Variants in LARP1 observed in about 807,000 individuals in gnomAD.
The protein encoded by LARP1 is la-related protein 1.
LARP1 carries 36 observed loss-of-function variants against 122.7 expected under a neutral mutation model. The observed-to-expected ratio is 0.29, with a 90% CI of 0.22 to 0.39. The LOEUF (loss-of-function observed/expected upper bound fraction) is 0.39, where lower values mean the gene tolerates loss of function less well. Among genes scored for constraint, LARP1 ranks in the 10% least tolerant of loss-of-function variants. The pLI, the probability that LARP1 is intolerant of heterozygous loss-of-function variation, is 1.00. For missense variants in LARP1, 1,040 were observed against 1,403.6 expected (o/e 0.74, Z 4.14); for synonymous variants, 539 against 528.7 (o/e 1.02, Z -0.27).
At chr5:154,722,113 C>A (rs982601047) in intron 1 of LARP1, among the ~76,000 whole-genome samples, 15 of 152,202 alleles carry the variant, frequency 9.9e-5, no homozygotes, top group African/African-American at 3.6e-4. Context: ...CTGACCACGT[C>A]TTTCTTCTAC....
At chr5:154,808,402 C>T (rs370606641) in intron 15 of LARP1, 57 bp from the exon 16 acceptor site, 4 of 1,576,718 alleles carry the variant, frequency 2.5e-6, no homozygotes, top group African/African-American at 2.7e-5. Context: ...TCCTTTCTCC[C>T]TGAAGCAAGG....
intron 1 of LARP1, among the ~76,000 whole-genome samples, chr5:154,761,631 C>T (rs1754456272): frequency 6.6e-6 from 1 of 152,176 alleles, no homozygotes; most frequent in African/African-American, 2.4e-5. Context: ...GACTCAAAAA[C>T]CTCCCTGGCT....
At chr5:154,684,305 C>T (rs1425439536) in intron 1 of LARP1, among the ~76,000 whole-genome samples, 1 of 151,960 alleles carries the variant, frequency 6.6e-6, no homozygotes, top group African/African-American at 2.4e-5. Context: ...ATTAGTTGGG[C>T]GTGGTGGCCT....
intron 1 of LARP1, among the ~76,000 whole-genome samples, chr5:154,726,190 A>G (rs1237261692): frequency 6.6e-6 from 1 of 152,188 alleles, no homozygotes; most frequent in Non-Finnish European, 1.5e-5. Flanking sequence ...CCCTAGGAGT[A>G]GAGGTGAATT....
At chr5:154,787,909 T>G (rs1757016255) in intron 1 of LARP1, among the ~76,000 whole-genome samples, 1 of 152,212 alleles carries the variant, frequency 6.6e-6, no homozygotes, top group Admixed American at 6.5e-5. Context: ...CTTTCAATAC[T>G]TTACCATCTC....
intron 1 of LARP1, among the ~76,000 whole-genome samples, chr5:154,700,912 T>G (rs1177282250): frequency 2.0e-5 from 3 of 151,596 alleles, no homozygotes; most frequent in Non-Finnish European, 4.4e-5. Flanking sequence ...GGAGCCGAAA[T>G]CACGCCACTG....
At chr5:154,736,584 T>TTTA in intron 1 of LARP1, among the ~76,000 whole-genome samples, 1 of 103,156 alleles carries the variant, frequency 9.7e-6, no homozygotes. Flanking sequence ...TTATTTATTT[T>TTTA]AGACAGAGTC....
At chr5:154,787,070 G>T (rs188087380) in intron 1 of LARP1, among the ~76,000 whole-genome samples, 8 of 152,098 alleles carry the variant, frequency 5.3e-5, no homozygotes, top group Non-Finnish European at 8.8e-5. Context: ...GTAGAGATGG[G>T]GTTTCTCCAT....
Position 154,814,213 on chromosome 5 carries a change from C to A in LARP1, c.*117C>A. 9.3e-7 allele frequency: 1 copy of A among 1,069,544 alleles called. No homozygotes were observed. The highest frequency in any genetic ancestry group is 1.4e-6 in the Non-Finnish European group (1 of 726,754). 66.3% of individuals were successfully genotyped at this position (1,069,544 alleles called of 1,614,324 possible). On this transcript the variant is annotated 3_prime_UTR_variant, in exon 19 of 19. Coordinates refer to ENST00000518297, the MANE Select transcript of LARP1 (RefSeq NM_033551.3). Reference sequence around the variant, plus strand: ...AGGGACAGGCCTGGAGTTACTAGGACAGGCCTTTGTGCTGAGTAGCAATGT... The same window carrying A: ...AGGGACAGGCCTGGAGTTACTAGGAAAGGCCTTTGTGCTGAGTAGCAATGT...
intron 1 of LARP1, among the ~76,000 whole-genome samples, chr5:154,766,063 A>G (rs1006614296): frequency 6.6e-6 from 1 of 152,202 alleles, no homozygotes; most frequent in African/African-American, 2.4e-5. Flanking sequence ...GATGAGTAGC[A>G]GTCACCTGAG....
intron 1 of LARP1, among the ~76,000 whole-genome samples, chr5:154,697,209 T>TA (rs1754507298): frequency 1.3e-5 from 2 of 151,248 alleles, no homozygotes; most frequent in Non-Finnish European, 3.0e-5. Flanking sequence ...TATCTTTTTT[T>TA]TTTTTTTTCT....
At chr5:154,754,639 T>G (rs1193304504), upstream of LARP1, among the ~76,000 whole-genome samples, 1 of 152,262 alleles carries the variant, frequency 6.6e-6, no homozygotes, top group Non-Finnish European at 1.5e-5. Flanking sequence ...TCCCACTTCC[T>G]AGGCGCCGGC....
At chr5:154,704,709 C>T (rs77043035) in intron 1 of LARP1, among the ~76,000 whole-genome samples, 1,632 of 150,416 alleles carry the variant, frequency 0.011, 33 homozygotes, top group South Asian at 0.08. Context: ...AATAGACAAC[C>T]TACAGAACAG....
chr5:154,795,151 T>TA, intron 7 of LARP1, 24 bp from the exon 8 acceptor site: 1 of 1,611,744 alleles, frequency 6.2e-7, no homozygotes, highest in Non-Finnish European at 8.5e-7. Flanking sequence ...CCCTCGGTGA[T>TA]AACTACTTCT....
At chr5:154,692,482 C>T (rs562198027) in intron 1 of LARP1, among the ~76,000 whole-genome samples, 1 of 152,178 alleles carries the variant, frequency 6.6e-6, no homozygotes, top group South Asian at 2.1e-4. Flanking sequence ...CCACCTCCTA[C>T]TTCCTCAAGC....
chr5:154,686,732 G>C (rs1368852710), intron 1 of LARP1, among the ~76,000 whole-genome samples: 2 of 152,166 alleles, frequency 1.3e-5, no homozygotes, highest in South Asian at 4.1e-4. Flanking sequence ...CCGACAGACT[G>C]TTTGATTGGC....
In LARP1 at chr5:154,802,145, CG is replaced by C; in HGVS notation, c.1857del (p.Lys620ArgfsTer52). 6.2e-7 allele frequency: 1 copy of C among 1,614,126 alleles called. No homozygotes were observed. The highest frequency in any genetic ancestry group is 8.5e-7 in the Non-Finnish European group (1 of 1,180,018). On this transcript the variant is annotated frameshift_variant, in exon 11 of 19. Coordinates refer to ENST00000518297, the MANE Select transcript of LARP1 (RefSeq NM_033551.3). LOFTEE classifies it high-confidence loss of function. This position sits in a 1 kb window ranked among gnomAD's most constrained non-coding sequence, Gnocchi z 5.1. ...FDEEMEQMDG[R>X]KNTFTAWSDE... is the part of the protein sequence containing the mutation. ...CGAGGAGATGGAGCAGATGGATGGG[CG>C]GAAGAACACCTTCACTGCCTGGTCT...
At chr5:154,726,518 A>G (rs1349546982) in intron 1 of LARP1, among the ~76,000 whole-genome samples, 2 of 152,246 alleles carry the variant, frequency 1.3e-5, no homozygotes, top group East Asian at 3.8e-4. Flanking sequence ...TGTGATTAAT[A>G]TAGTCAAGAA....
chr5:154,719,259 G>A (rs758780731), intron 1 of LARP1, among the ~76,000 whole-genome samples: 20 of 152,064 alleles, frequency 1.3e-4, no homozygotes, highest in African/African-American at 4.3e-4. Flanking sequence ...AGTGCACATC[G>A]AAGCAGAGGG....
Sources: allele counts gnomAD v4.1 joint callset (sites outside exome capture counted in the v4.1 genomes callset), GRCh38; gene constraint gnomAD v4.1.1; non-coding constraint Gnocchi (gnomAD v3.1); transcripts MANE v1.5; gene names NCBI Gene and HGNC (gene_info 2026-07-23, HGNC 2026-07-21).